The following SPON1 variants were observed in gnomAD, a reference collection of about 807,000 sequenced individuals.
The protein encoded by SPON1 is spondin 1.
In SPON1, 52 loss-of-function variants were observed where a neutral mutation model predicts 111.7. The ratio of observed to expected loss-of-function variants is 0.47; its 90% CI spans 0.37 to 0.59. SPON1 has a LOEUF of 0.59. Ranked by LOEUF, SPON1 falls within the 20% of genes least tolerant of loss-of-function variation. SPON1 has a pLI of 0.00. For synonymous variants in SPON1, 410 were observed against 395.8 expected (o/e 1.04, Z -0.43); for missense variants, 957 against 1,068.5 (o/e 0.90, Z 1.46).
intron 1 of SPON1, among the ~76,000 whole-genome samples, chr11:13,971,986 C>G (rs1554908638): frequency 6.6e-6 from 1 of 152,202 alleles, no homozygotes; most frequent in Non-Finnish European, 1.5e-5. Context: ...AAGGTTCTGT[C>G]CTTTGGAATC....
intron 6 of SPON1, among the ~76,000 whole-genome samples, chr11:14,158,986 C>T (rs963286716): frequency 1.3e-4 from 16 of 126,056 alleles, no homozygotes; most frequent in Non-Finnish European, 2.7e-4. Flanking sequence ...TAAGTAATAT[C>T]TCTTACTTTG....
At chr11:14,144,030 G>A (rs1316458953) in intron 6 of SPON1, among the ~76,000 whole-genome samples, 2 of 152,126 alleles carry the variant, frequency 1.3e-5, no homozygotes, top group African/African-American at 4.8e-5. Context: ...ACCTCGAGTA[G>A]GTCACCTAAG....
chr11:14,064,190 AG>A (rs1554920153), intron 3 of SPON1, among the ~76,000 whole-genome samples: 1 of 152,264 alleles, frequency 6.6e-6, no homozygotes, highest in African/African-American at 2.4e-5. Flanking sequence ...ACCCTCAAAA[AG>A]CTTGGAATTC....
intron 6 of SPON1, among the ~76,000 whole-genome samples, chr11:14,180,280 A>G (rs60782475): frequency 0.047 from 7,127 of 152,316 alleles, 525 homozygotes; most frequent in African/African-American, 0.16. Flanking sequence ...TAAATTTGTC[A>G]GTGTAATACA....
chr11:14,258,846 T>C (rs1004551339), intron 11 of SPON1, among the ~76,000 whole-genome samples: 17 of 152,274 alleles, frequency 1.1e-4, no homozygotes, highest in African/African-American at 3.6e-4. Context: ...CCTGTCAACA[T>C]TGAAGCCTCT....
intron 6 of SPON1, among the ~76,000 whole-genome samples, chr11:14,224,469 A>G (rs1286885790): frequency 6.6e-6 from 1 of 152,290 alleles, no homozygotes; most frequent in East Asian, 1.9e-4. Context: ...GGTTCGGGAA[A>G]CTGCAAGTAG....
intron 4 of SPON1, among the ~76,000 whole-genome samples, chr11:14,079,438 A>G (rs1848943443): frequency 6.6e-6 from 1 of 152,158 alleles, no homozygotes; most frequent in Non-Finnish European, 1.5e-5. Flanking sequence ...CTCTGCTTCA[A>G]AGTCATTCCT....
intron 11 of SPON1, among the ~76,000 whole-genome samples, chr11:14,258,387 A>T (rs1554941455): frequency 6.6e-6 from 1 of 152,234 alleles, no homozygotes; most frequent in Non-Finnish European, 1.5e-5. Flanking sequence ...GCAACAGTGC[A>T]AAGGTCAGCC....
chr11:14,115,540 G>C (rs1052152194), intron 5 of SPON1, among the ~76,000 whole-genome samples: 1 of 152,096 alleles, frequency 6.6e-6, no homozygotes, highest in Non-Finnish European at 1.5e-5. Context: ...TTTGTTTATA[G>C]TATATAGTTA....
At chr11:14,151,445 G>C (rs1847787085) in intron 6 of SPON1, among the ~76,000 whole-genome samples, 1 of 152,140 alleles carries the variant, frequency 6.6e-6, no homozygotes, top group Non-Finnish European at 1.5e-5. Context: ...AGCCATTGAG[G>C]GTTTCTGAGC....
chr11:14,166,928 C>T (rs1318683301), intron 6 of SPON1, among the ~76,000 whole-genome samples: 2 of 151,888 alleles, frequency 1.3e-5, no homozygotes, highest in African/African-American at 4.8e-5. Context: ...TAAAGAGGAC[C>T]GAAACAAGAC....
intron 7 of SPON1, among the ~76,000 whole-genome samples, chr11:14,253,379 A>G (rs972190771): frequency 3.3e-5 from 5 of 152,132 alleles, no homozygotes; most frequent in Non-Finnish European, 7.4e-5. Flanking sequence ...ATTCACAGGA[A>G]CCCTTTGGAG....
At position 14,265,595 on chromosome 11, in the gene SPON1, T is replaced by G. The variant is rs534545540; in HGVS notation, c.2332T>G (p.Tyr778Asp). The G allele has an allele frequency of 6.2e-7, 1 of 1,613,790 alleles. No individual in the cohort carries two copies. Among genetic ancestry groups the G allele is most frequent in the East Asian group, 2.2e-5 (1 of 44,876 alleles). Residue 778 changes from tyrosine (Y) to aspartate (D), a missense_variant, in exon 16 of 16, where the codon TAC becomes GAC. Tyr to Asp is a radical substitution (Grantham distance 160). Coordinates refer to ENST00000576479, the MANE Select transcript of SPON1 (RefSeq NM_006108.4). ...GTGCGGAGGTGGAATTCAGGAACGTTACATGACTGTAAAGAAGAGATTCAA... is the reference window on the plus strand; with the variant it reads ...GTGCGGAGGTGGAATTCAGGAACGTGACATGACTGTAAAGAAGAGATTCAA... The part of the protein sequence containing the change: ...KLCGGGIQER[Y>D]MTVKKRFKSS...
intron 2 of SPON1, 82 bp downstream of exon 2, chr11:13,983,035 C>T (rs1324446002): frequency 5.4e-6 from 5 of 931,940 alleles, no homozygotes; most frequent in Non-Finnish European, 8.3e-6. Context: ...TCTCAGGTGG[C>T]TTCCCATGCA....
intron 2 of SPON1, among the ~76,000 whole-genome samples, chr11:13,991,192 C>G (rs532278499): frequency 1.3e-5 from 2 of 152,190 alleles, no homozygotes; most frequent in African/African-American, 4.8e-5. Flanking sequence ...CCATTCTCCC[C>G]GTCACTTTCA....
intron 6 of SPON1, among the ~76,000 whole-genome samples, chr11:14,220,086 C>CAAA (rs149757475): frequency 8.5e-6 from 1 of 118,214 alleles, no homozygotes; most frequent in Non-Finnish European, 1.8e-5. Context: ...GCACTTGGAT[C>CAAA]AAAAAAAAAA....
chr11:13,985,425 A>C (rs1848174761), intron 2 of SPON1, among the ~76,000 whole-genome samples: 2 of 152,162 alleles, frequency 1.3e-5, no homozygotes, highest in African/African-American at 4.8e-5. Context: ...GGTAAGCATT[A>C]TTATCCTATT....
chr11:14,119,831 A>C (rs1849292162), intron 5 of SPON1, among the ~76,000 whole-genome samples: 1 of 152,164 alleles, frequency 6.6e-6, no homozygotes, highest in Admixed American at 6.5e-5. Flanking sequence ...CAGTACACAA[A>C]CGTACACCAA....
chr11:14,046,933 A>G (rs782190782), intron 3 of SPON1, among the ~76,000 whole-genome samples: 1 of 152,128 alleles, frequency 6.6e-6, no homozygotes, highest in Non-Finnish European at 1.5e-5. Flanking sequence ...TTTTCCCCAC[A>G]TAGGTAATTT....
Sources: gnomAD v4.1 joint callset for allele counts (sites outside exome capture counted in the v4.1 genomes callset) on GRCh38, gnomAD v4.1.1 for gene constraint, MANE v1.5 for transcripts, NCBI Gene and HGNC (gene_info 2026-07-23, HGNC 2026-07-21) for gene names.